TENM2: variants seen among roughly 807,000 people sequenced by gnomAD.
The protein encoded by TENM2 is teneurin-2.
Under a neutral mutation model 245.2 loss-of-function variants are expected in TENM2, and 52 were observed. The observed-to-expected ratio is 0.21, with a 90% CI of 0.17 to 0.27. The LOEUF (loss-of-function observed/expected upper bound fraction) is 0.27, where lower values mean the gene tolerates loss of function less well. TENM2 is among the 10% of genes least tolerant of loss of function. The pLI, the probability that TENM2 is intolerant of heterozygous loss-of-function variation, is 1.00. For synonymous variants in TENM2, 1,363 were observed against 1,438.9 expected, an observed-to-expected ratio of 0.95 and a Z score of 1.19; for missense variants, 3,046 against 3,666.8, an observed-to-expected ratio of 0.83 and a Z score of 4.37.
intron 5 of TENM2, among the ~76,000 whole-genome samples, chr5:168,043,565 G>GCACAGAGAT (rs758742665): frequency 2.6e-5 from 4 of 151,872 alleles, no homozygotes; most frequent in Non-Finnish European, 5.9e-5. Context: ...CTAAAGGGAT[G>GCACAGAGAT]CACAGAGATT....
intron 2 of TENM2, among the ~76,000 whole-genome samples, chr5:167,534,311 C>A (rs1771706372): frequency 6.6e-6 from 1 of 152,116 alleles, no homozygotes. Flanking sequence ...GGCTTGGAGA[C>A]AAGAATGCTC....
At chr5:168,216,549 T>G (rs1763213128) in intron 21 of TENM2, among the ~76,000 whole-genome samples, 1 of 152,138 alleles carries the variant, frequency 6.6e-6, no homozygotes, top group Non-Finnish European at 1.5e-5. Context: ...AAGGTGGTGA[T>G]ATAGCCAGCA....
chr5:167,458,970 TTC>T, intron 2 of TENM2, among the ~76,000 whole-genome samples: 1 of 152,330 alleles, frequency 6.6e-6, no homozygotes, highest in East Asian at 1.9e-4. Flanking sequence ...AAGTCCAATT[TTC>T]TTTCTTTTTA....
intron 2 of TENM2, among the ~76,000 whole-genome samples, chr5:167,817,017 C>G (rs1405457459): frequency 6.6e-6 from 1 of 152,148 alleles, no homozygotes. Flanking sequence ...CTTGTTACAA[C>G]TTGATTTGGT....
chr5:167,781,947 G>A (rs561279036), intron 2 of TENM2, among the ~76,000 whole-genome samples: 14 of 151,880 alleles, frequency 9.2e-5, no homozygotes, highest in Admixed American at 6.6e-4. Context: ...AGGTCAAGGT[G>A]CATGAGCCAT....
At chr5:167,305,470 A>G (rs1457085634) in intron 1 of TENM2, among the ~76,000 whole-genome samples, 4 of 152,214 alleles carry the variant, frequency 2.6e-5, no homozygotes, top group Admixed American at 6.5e-5. Context: ...ACATCTTTAC[A>G]AGGTCTTTTT....
chr5:167,144,797 T>C, the TENM2 span, among the ~76,000 whole-genome samples: 2 of 152,258 alleles, frequency 1.3e-5, no homozygotes, highest in African/African-American at 4.8e-5. Flanking sequence ...CTTTAGTGTA[T>C]GCTTTAGTTT....
At chr5:167,958,485 G>T (rs1046318368) in intron 4 of TENM2, among the ~76,000 whole-genome samples, 1 of 152,084 alleles carries the variant, frequency 6.6e-6, no homozygotes, top group Non-Finnish European at 1.5e-5. Context: ...TACATTTAGG[G>T]TTAATATTGT....
chr5:167,784,054 A>G (rs753118877), intron 2 of TENM2, among the ~76,000 whole-genome samples: 36 of 152,306 alleles, frequency 2.4e-4, no homozygotes, highest in Non-Finnish European at 8.8e-5. Flanking sequence ...AACCTTGTGA[A>G]ATTTTTTGCA....
chr5:167,879,372 A>G (rs1773689277), intron 3 of TENM2, among the ~76,000 whole-genome samples: 1 of 152,190 alleles, frequency 6.6e-6, no homozygotes, highest in Non-Finnish European at 1.5e-5. Flanking sequence ...TTTCTTTCAA[A>G]TAGCTGAGCT....
the TENM2 span, among the ~76,000 whole-genome samples, chr5:167,106,970 C>T: frequency 3.3e-5 from 5 of 151,842 alleles, no homozygotes; most frequent in African/African-American, 9.7e-5. Context: ...AAGAGCCAGG[C>T]GCGGTGGCTC....
exon 8 of TENM2, chr5:168,090,622 G>A: frequency 6.2e-7 from 1 of 1,613,362 alleles, no homozygotes; most frequent in Non-Finnish European, 8.5e-7. Context: ...GAGTGTGGTT[G>A]AGTCTCCCAG....
chr5:167,276,298 CCT>C, the TENM2 span, among the ~76,000 whole-genome samples: 3 of 149,680 alleles, frequency 2.0e-5, no homozygotes, highest in South Asian at 6.3e-4. Flanking sequence ...GGTGTCAATT[CCT>C]TTTTAAACAT....
chr5:167,473,667 C>G (rs1016532389), intron 2 of TENM2, among the ~76,000 whole-genome samples: 1 of 152,094 alleles, frequency 6.6e-6, no homozygotes, highest in Non-Finnish European at 1.5e-5. Flanking sequence ...GATTGTGAGT[C>G]AATGTCCAGT....
intron 2 of TENM2, among the ~76,000 whole-genome samples, chr5:167,463,999 G>A (rs1766489588): frequency 6.6e-6 from 1 of 152,138 alleles, no homozygotes; most frequent in Non-Finnish European, 1.5e-5. Flanking sequence ...TGAAATCTTA[G>A]GTGGGAGGAT....
chr5:167,984,523 G>A (rs963865328), intron 4 of TENM2, among the ~76,000 whole-genome samples: 1 of 152,120 alleles, frequency 6.6e-6, no homozygotes, highest in Non-Finnish European at 1.5e-5. Flanking sequence ...TGGCGTGGTG[G>A]CACATGCTTG....
the TENM2 span, among the ~76,000 whole-genome samples, chr5:167,081,719 T>C: frequency 1.3e-5 from 2 of 152,160 alleles, no homozygotes; most frequent in Non-Finnish European, 2.9e-5. Context: ...CTTCAAAACA[T>C]TGACCAGGAT....
exon 1 of TENM2, chr5:167,284,915 T>C (rs948838327): frequency 1.0e-5 from 16 of 1,551,608 alleles, no homozygotes; most frequent in Non-Finnish European, 1.4e-5. Context: ...CAAGCTCCTC[T>C]CTGGACAGTG....
intron 2 of TENM2, among the ~76,000 whole-genome samples, chr5:167,668,621 C>T (rs2150344069): frequency 6.6e-6 from 1 of 152,216 alleles, no homozygotes; most frequent in African/African-American, 2.4e-5. Context: ...TAAAACCGTT[C>T]TGAGAGACCA....
Sources: gnomAD v4.1 joint callset for allele counts (sites outside exome capture counted in the v4.1 genomes callset) on GRCh38, gnomAD v4.1.1 for gene constraint, MANE v1.5 for transcripts, NCBI Gene and HGNC (gene_info 2026-07-23, HGNC 2026-07-21) for gene names.